SGCD: variants seen among roughly 807,000 people sequenced by gnomAD.
SGCD encodes the protein delta-sarcoglycan.
Under a neutral mutation model 36.6 loss-of-function variants are expected in SGCD, and 18 were observed. The ratio of observed to expected loss-of-function variants is 0.49; its 90% confidence interval spans 0.34 to 0.73. SGCD has a LOEUF of 0.73. Ranked by LOEUF, SGCD falls within the 30% of genes least tolerant of loss-of-function variation. The probability of loss-of-function intolerance (pLI) is 0.01; values close to 1 mark genes in which losing one functional copy is unlikely to be tolerated. For synonymous variants in SGCD, 133 were observed against 130.6 expected, an observed-to-expected ratio of 1.02 and a Z score of -0.12; for missense variants, 387 against 346.7, an observed-to-expected ratio of 1.12 and a Z score of -0.92.
chr5:156,645,590 G>A (rs1005171086), intron 6 of SGCD, among the ~76,000 whole-genome samples: 9 of 152,166 alleles, frequency 5.9e-5, no homozygotes, highest in Non-Finnish European at 1.2e-4. Flanking sequence ...TGCTAAGGGA[G>A]ATAGTCTAGA....
chr5:156,253,577 C>T (rs556311050), intron 3 of SGCD, among the ~76,000 whole-genome samples: 9 of 152,120 alleles, frequency 5.9e-5, no homozygotes, highest in Non-Finnish European at 1.2e-4. Flanking sequence ...GGCTTCCTAT[C>T]GCCGTATAAC....
At position 156,767,501 on chromosome 5, in the gene SGCD, A is replaced by AC. The variant is rs1366607513; in HGVS notation, c.*8111_*8112insC. Reference sequence around the variant, plus strand: ...GAGATTTTGAAAAAAAAAAAAAAAAAAAACCCATTCCCATAAAGTAATTGA... The same window carrying AC: ...GAGATTTTGAAAAAAAAAAAAAAAAACAAACCCATTCCCATAAAGTAATTGA... On this transcript the variant is annotated 3_prime_UTR_variant, in exon 9 of 9. Coordinates refer to ENST00000337851, the MANE Select transcript of SGCD (RefSeq NM_000337.6). 30 of 151,864 alleles carry AC rather than the reference A, an allele frequency of 2.0e-4. No homozygotes were observed. The highest frequency in any genetic ancestry group is 7.2e-4 in the African/African-American group (30 of 41,454). 9.4% of individuals were successfully genotyped at this position (151,864 alleles called of 1,614,324 possible).
chr5:156,044,435 T>G (rs1038852966), intron 1 of SGCD, among the ~76,000 whole-genome samples: 43 of 152,320 alleles, frequency 2.8e-4, no homozygotes, highest in Non-Finnish European at 8.8e-5. Flanking sequence ...CTAGGAAGAT[T>G]CATTTGAATT....
chr5:156,601,924 G>A (rs1328988143), intron 6 of SGCD, among the ~76,000 whole-genome samples: 1 of 152,118 alleles, frequency 6.6e-6, no homozygotes, highest in Non-Finnish European at 1.5e-5. Flanking sequence ...CTTGTGATCT[G>A]CCTGCCTTGG....
chr5:156,190,123 T>C (rs1388818235), intron 3 of SGCD, among the ~76,000 whole-genome samples: 4 of 152,074 alleles, frequency 2.6e-5, no homozygotes, highest in Admixed American at 1.3e-4. Context: ...GGCTGACTAG[T>C]TCAGTTAGCC....
intron 1 of SGCD, among the ~76,000 whole-genome samples, chr5:156,079,517 A>C (rs1760891907): frequency 6.6e-6 from 1 of 152,226 alleles, no homozygotes; most frequent in African/African-American, 2.4e-5. Context: ...CTGTAAAATC[A>C]AAACAAGTAT....
At chr5:155,930,468 A>G (rs908024740) in intron 1 of SGCD, among the ~76,000 whole-genome samples, 4 of 152,236 alleles carry the variant, frequency 2.6e-5, no homozygotes, top group Non-Finnish European at 5.9e-5. Context: ...AATTAGAAAG[A>G]AAAACACACA....
At chr5:156,345,330 G>A (rs868300288) in intron 3 of SGCD, among the ~76,000 whole-genome samples, 5 of 152,104 alleles carry the variant, frequency 3.3e-5, no homozygotes, top group Middle Eastern at 3.4e-3. Context: ...GACATTTACT[G>A]TTGTAGTTCA....
At chr5:155,906,761 G>T (rs1346592065) in intron 1 of SGCD, among the ~76,000 whole-genome samples, 1 of 152,112 alleles carries the variant, frequency 6.6e-6, no homozygotes, top group Non-Finnish European at 1.5e-5. Context: ...CCATCTCCAT[G>T]ACATAAAAGT....
chr5:156,668,122 T>C (rs1009318338), intron 7 of SGCD, among the ~76,000 whole-genome samples: 2 of 152,166 alleles, frequency 1.3e-5, no homozygotes, highest in African/African-American at 4.8e-5. Flanking sequence ...ATCACAACTG[T>C]CCTCACTGCA....
chr5:155,886,407 T>C (rs976507484), intron 1 of SGCD, among the ~76,000 whole-genome samples: 2 of 152,304 alleles, frequency 1.3e-5, no homozygotes. Context: ...TTGATGGATC[T>C]TGGGTCATAT....
At chr5:156,321,415 G>A (rs750172871) in intron 3 of SGCD, among the ~76,000 whole-genome samples, 40 of 146,724 alleles carry the variant, frequency 2.7e-4, no homozygotes, top group Admixed American at 8.8e-4. Context: ...GCGAGACTCC[G>A]ACTGAAAATA....
At chr5:156,577,943 C>A (rs554527783) in intron 4 of SGCD, among the ~76,000 whole-genome samples, 1 of 152,290 alleles carries the variant, frequency 6.6e-6, no homozygotes, top group South Asian at 2.1e-4. Context: ...CCAGAACTTG[C>A]AACACTATGT....
intron 4 of SGCD, among the ~76,000 whole-genome samples, chr5:156,571,000 T>G (rs1487845038): frequency 1.3e-5 from 2 of 152,186 alleles, no homozygotes; most frequent in Non-Finnish European, 2.9e-5. Context: ...TCTTGGTTTG[T>G]ATTTCTTCTC....
chr5:156,396,359 G>C (rs1328592246), intron 3 of SGCD, among the ~76,000 whole-genome samples: 2 of 152,220 alleles, frequency 1.3e-5, no homozygotes, highest in Non-Finnish European at 2.9e-5. Context: ...AAACTTGTCA[G>C]TGGAGTGATG....
intron 3 of SGCD, among the ~76,000 whole-genome samples, chr5:156,184,264 G>T (rs1022899645): frequency 6.6e-6 from 1 of 151,950 alleles, no homozygotes; most frequent in Non-Finnish European, 1.5e-5. Flanking sequence ...AAAAAATCCT[G>T]TTGAACCATC....
intron 1 of SGCD, among the ~76,000 whole-genome samples, chr5:156,067,904 G>A (rs763351955): frequency 0.018 from 2,304 of 128,848 alleles, 88 homozygotes; most frequent in South Asian, 0.062. Flanking sequence ...CGTCTTCTGC[G>A]TCGCTCACGC....
At chr5:156,198,663 A>G (rs1186151809) in intron 3 of SGCD, among the ~76,000 whole-genome samples, 1 of 152,090 alleles carries the variant, frequency 6.6e-6, no homozygotes, top group Non-Finnish European at 1.5e-5. Flanking sequence ...TTAGTTGGTT[A>G]TTAAATTGAA....
In SGCD at chr5:156,364,179, A is replaced by C. The variant is rs529408143; in HGVS notation, c.192+19502A>C. On this transcript the variant is annotated intron_variant, in intron 3 of 8. Transcript: ENST00000337851. Reference sequence around the variant, plus strand: ...TGAGTTATGCTGGGATTATGACAGCAGAAGTCTGGGGGAACCTCTTGACTT... The same window carrying C: ...TGAGTTATGCTGGGATTATGACAGCCGAAGTCTGGGGGAACCTCTTGACTT... 9.2e-5 allele frequency among the ~76,000 whole-genome samples: 14 copies of C among 152,324 alleles called. No individual in the cohort carries two copies. The South Asian group carries it at 2.9e-3, about 32-fold the overall frequency.
Sources: allele counts gnomAD v4.1 joint callset (sites outside exome capture counted in the v4.1 genomes callset), GRCh38; gene constraint gnomAD v4.1.1; transcripts MANE v1.5; gene names NCBI Gene and HGNC (gene_info 2026-07-23, HGNC 2026-07-21).